PTPRD: variants seen among roughly 807,000 people sequenced by gnomAD.
The protein encoded by PTPRD is receptor-type tyrosine-protein phosphatase delta.
PTPRD carries 34 observed loss-of-function variants against 214.5 expected under a neutral mutation model. The observed-to-expected ratio is 0.16, with a 90% CI of 0.12 to 0.21. PTPRD has a LOEUF of 0.21. PTPRD is among the 10% of genes least tolerant of loss of function. PTPRD has a pLI of 1.00. For synonymous variants in PTPRD, 1,128 were observed against 845.7 expected, an observed-to-expected ratio of 1.33 and a Z score of -5.79; for missense variants, 2,545 against 2,398.7, an observed-to-expected ratio of 1.06 and a Z score of -1.27.
At position 8,633,253 on chromosome 9, in the gene PTPRD, T is replaced by C. The variant is rs1273188845; in HGVS notation, c.352+64A>G. On this transcript the variant is annotated intron_variant, in intron 14 of 45. Coordinates refer to ENST00000381196, the MANE Select transcript of PTPRD (RefSeq NM_002839.4). ...ATCACAATGCTAGTCTTTTCAATGA[T>C]GCTACAAAAGAGATACAGAATTGTA... 4.5e-6 allele frequency: 7 copies of C among 1,556,984 alleles called. No individual in the cohort carries two copies. The East Asian group carries it at 6.8e-5, about 15-fold the overall frequency.
At chr9:9,703,629 G>C (rs1186398093) in intron 7 of PTPRD, among the ~76,000 whole-genome samples, 2 of 152,084 alleles carry the variant, frequency 1.3e-5, no homozygotes, top group Admixed American at 1.3e-4. Flanking sequence ...ATACATTTAT[G>C]TGGCTAGTAA....
intron 10 of PTPRD, among the ~76,000 whole-genome samples, chr9:9,079,843 C>G (rs1346234528): frequency 1.3e-5 from 2 of 152,004 alleles, no homozygotes; most frequent in African/African-American, 2.4e-5. Flanking sequence ...TTAAGGAGAG[C>G]TAGGATTTCA....
intron 3 of PTPRD, among the ~76,000 whole-genome samples, chr9:10,296,093 C>G (rs2095664953): frequency 6.6e-6 from 1 of 152,062 alleles, no homozygotes; most frequent in African/African-American, 2.4e-5. Context: ...GGAGAAAGCA[C>G]AAGATTATGC....
At chr9:9,228,437 A>T (rs1197357830) in intron 9 of PTPRD, among the ~76,000 whole-genome samples, 4 of 152,148 alleles carry the variant, frequency 2.6e-5, no homozygotes, top group Admixed American at 6.6e-5. Context: ...ATAGTTCAAT[A>T]ATATGCACAC....
At chr9:10,393,671 C>T (rs2098115136) in intron 2 of PTPRD, among the ~76,000 whole-genome samples, 1 of 146,596 alleles carries the variant, frequency 6.8e-6, no homozygotes, top group Admixed American at 6.9e-5. Context: ...GAGAGAGACA[C>T]TCTATTGGGT....
intron 2 of PTPRD, among the ~76,000 whole-genome samples, chr9:10,347,573 G>A (rs1177017721): frequency 6.6e-6 from 1 of 151,636 alleles, no homozygotes; most frequent in African/African-American, 2.4e-5. Context: ...ACTACACCCG[G>A]CTAATTTTTA....
chr9:10,507,422 T>C (rs1295051104), intron 2 of PTPRD, among the ~76,000 whole-genome samples: 1 of 152,138 alleles, frequency 6.6e-6, no homozygotes, highest in East Asian at 1.9e-4. Context: ...TACCAATGAC[T>C]TTCTTCACAG....
chr9:9,408,808 C>T (rs2074418601), intron 8 of PTPRD, among the ~76,000 whole-genome samples: 1 of 151,836 alleles, frequency 6.6e-6, no homozygotes, highest in Admixed American at 6.6e-5. Flanking sequence ...CTCATACTGT[C>T]TGGCACAAAG....
intron 3 of PTPRD, among the ~76,000 whole-genome samples, chr9:10,229,877 A>G (rs2099602744): frequency 6.6e-6 from 1 of 151,994 alleles, no homozygotes; most frequent in Non-Finnish European, 1.5e-5. Context: ...AAAACAAAAC[A>G]AGAAAAAAAG....
intron 7 of PTPRD, among the ~76,000 whole-genome samples, chr9:9,619,478 A>G (rs1321929295): frequency 6.8e-6 from 1 of 147,820 alleles, no homozygotes; most frequent in African/African-American, 2.5e-5. Flanking sequence ...ATATTCACAT[A>G]TTCTATATAA....
chr9:9,602,595 A>G (rs2093856420), intron 7 of PTPRD, among the ~76,000 whole-genome samples: 1 of 152,070 alleles, frequency 6.6e-6, no homozygotes, highest in Admixed American at 6.6e-5. Context: ...CGCTCATTAT[A>G]TTCCTTTTTA....
intron 3 of PTPRD, among the ~76,000 whole-genome samples, chr9:10,247,303 C>G (rs905160521): frequency 6.6e-6 from 1 of 152,028 alleles, no homozygotes; most frequent in African/African-American, 2.4e-5. Context: ...TGATTAAGAT[C>G]CATGTTTCAG....
At chr9:10,539,677 C>T (rs1446879932) in intron 2 of PTPRD, among the ~76,000 whole-genome samples, 1 of 152,244 alleles carries the variant, frequency 6.6e-6, no homozygotes, top group East Asian at 1.9e-4. Context: ...GCACACAAGC[C>T]CCTCATCTTA....
intron 2 of PTPRD, among the ~76,000 whole-genome samples, chr9:10,583,553 A>T (rs2072816297): frequency 6.6e-6 from 1 of 151,292 alleles, no homozygotes. Flanking sequence ...CCGGGTTCAC[A>T]CCATTCTCCT....
intron 8 of PTPRD, among the ~76,000 whole-genome samples, chr9:9,459,568 C>G (rs750027691): frequency 1.3e-5 from 2 of 151,984 alleles, no homozygotes; most frequent in African/African-American, 2.4e-5. Context: ...CATTTTCGAG[C>G]TGAGAACGAA....
intron 6 of PTPRD, among the ~76,000 whole-genome samples, chr9:9,739,821 A>G (rs1334665772): frequency 6.7e-5 from 9 of 134,812 alleles, no homozygotes; most frequent in Non-Finnish European, 1.2e-4. Context: ...TTTTCTCTAC[A>G]TATATATATA....
chr9:10,229,465 G>A (rs1473876002), intron 3 of PTPRD, among the ~76,000 whole-genome samples: 1 of 151,940 alleles, frequency 6.6e-6, no homozygotes, highest in African/African-American at 2.4e-5. Context: ...ATGTCCAACA[G>A]TGATAGACTG....
At chr9:10,050,841 T>C (rs2097523734) in intron 3 of PTPRD, among the ~76,000 whole-genome samples, 1 of 152,020 alleles carries the variant, frequency 6.6e-6, no homozygotes. Context: ...CCATACATAC[T>C]GGACTCCAAA....
intron 7 of PTPRD, among the ~76,000 whole-genome samples, chr9:9,660,240 G>A (rs892909673): frequency 2.0e-5 from 3 of 151,960 alleles, no homozygotes; most frequent in African/African-American, 4.8e-5. Context: ...GGTGACATCG[G>A]AAGCCTTTGG....
Sources: gnomAD v4.1 joint callset for allele counts (sites outside exome capture counted in the v4.1 genomes callset) on GRCh38, gnomAD v4.1.1 for gene constraint, MANE v1.5 for transcripts, NCBI Gene and HGNC (gene_info 2026-07-23, HGNC 2026-07-21) for gene names.